OSBPL9: variants seen among roughly 807,000 people sequenced by gnomAD.
The protein encoded by OSBPL9 is oxysterol-binding protein-related protein 9.
A neutral mutation model predicts 106.6 loss-of-function variants in OSBPL9; 40 were observed. The observed-to-expected ratio is 0.38, with a 90% CI of 0.29 to 0.49. The LOEUF is 0.49. OSBPL9 is among the 20% of genes least tolerant of loss of function. The probability of loss-of-function intolerance (pLI) is 0.97; values close to 1 mark genes in which losing one functional copy is unlikely to be tolerated. For missense variants in OSBPL9, 609 were observed against 887.2 expected (o/e 0.69, Z 3.98); for synonymous variants, 269 against 295.4 (o/e 0.91, Z 0.92).
At chr1:51,696,518 A>C (rs965168605) in intron 3 of OSBPL9, among the ~76,000 whole-genome samples, 1 of 152,230 alleles carries the variant, frequency 6.6e-6, no homozygotes, top group Non-Finnish European at 1.5e-5. Flanking sequence ...CAGTGATTCT[A>C]GTCGTTGCCT....
intron 9 of OSBPL9, among the ~76,000 whole-genome samples, chr1:51,758,312 A>G (rs963912325): frequency 2.0e-5 from 3 of 152,104 alleles, no homozygotes; most frequent in African/African-American, 7.2e-5. Flanking sequence ...TGAGAACTGT[A>G]ACAGGAAAAA....
rs1017515652 is a variant in OSBPL9 at position 51,729,783 on chromosome 1, G to T, written c.318+15704G>T. 1.1e-4 allele frequency: 140 copies of T among 1,219,626 alleles called. No homozygotes were observed. Among genetic ancestry groups the T allele is most frequent in the Non-Finnish European group, 1.4e-4 (134 of 971,554 alleles). The allele number at this position is 1,219,626 out of a possible 1,614,324, so 75.6% of individuals were successfully genotyped here. A position where few individuals can be genotyped will look rare whatever the true frequency, so the allele number is the denominator to read the frequency against. The stretch of plus-strand genomic sequence containing the variant: ...GCCAGCCAATCGGGGCGACCCCTCC[G>T]CCGGGGAGGGGACGGGAAAGGGGTG... On this transcript the variant is annotated intron_variant, in intron 4 of 23. Coordinates refer to ENST00000428468, the MANE Select transcript of OSBPL9 (RefSeq NM_024586.6). This position sits in a 1 kb window ranked among gnomAD's most constrained non-coding sequence, Gnocchi z 5.1.
chr1:51,772,376 A>T (rs911987913), intron 13 of OSBPL9, among the ~76,000 whole-genome samples, 194 bp downstream of exon 13: 1 of 152,164 alleles, frequency 6.6e-6, no homozygotes, highest in Non-Finnish European at 1.5e-5. Flanking sequence ...TTAGCTGGGC[A>T]TGGTGGTGCG....
chr1:51,677,851 A>G (rs1402652881), intron 3 of OSBPL9, among the ~76,000 whole-genome samples: 1 of 152,042 alleles, frequency 6.6e-6, no homozygotes, highest in African/African-American at 2.4e-5. Flanking sequence ...GCCTGGCTAC[A>G]GAGAACATTT....
the OSBPL9 span, among the ~76,000 whole-genome samples, chr1:51,545,820 T>C: frequency 3.3e-5 from 5 of 152,158 alleles, no homozygotes; most frequent in Non-Finnish European, 7.4e-5. Flanking sequence ...AGCTGAAGAC[T>C]TTAACATCCC....
At chr1:51,745,321 C>T in intron 4 of OSBPL9, 1 of 553,162 alleles carries the variant, frequency 1.8e-6, no homozygotes, top group Non-Finnish European at 2.9e-6. Context: ...GCATGTGTAA[C>T]TGCTGAGAAG....
intron 1 of OSBPL9, among the ~76,000 whole-genome samples, chr1:51,651,431 C>T (rs564157846): frequency 2.0e-5 from 3 of 152,058 alleles, no homozygotes; most frequent in East Asian, 3.9e-4. Context: ...GGTGAAACCC[C>T]GTCTCTATCA....
At chr1:51,628,459 C>A (rs1050845218) in intron 1 of OSBPL9, among the ~76,000 whole-genome samples, 8 of 151,646 alleles carry the variant, frequency 5.3e-5, no homozygotes, top group African/African-American at 1.9e-4. Flanking sequence ...TGGCTCGTGC[C>A]TGTAATTTCA....
chr1:51,634,708 G>A (rs1259042830), intron 1 of OSBPL9, among the ~76,000 whole-genome samples: 1 of 152,156 alleles, frequency 6.6e-6, no homozygotes, highest in Non-Finnish European at 1.5e-5. Context: ...GAAACATGGT[G>A]TATTAGTCTG....
intron 4 of OSBPL9, among the ~76,000 whole-genome samples, chr1:51,719,503 A>G (rs1370892029): frequency 6.6e-6 from 1 of 152,002 alleles, no homozygotes; most frequent in African/African-American, 2.4e-5. Flanking sequence ...GAGATTATCA[A>G]GTAAGGGATT....
chr1:51,675,458 G>A (rs1360283861), intron 3 of OSBPL9, among the ~76,000 whole-genome samples: 1 of 151,808 alleles, frequency 6.6e-6, no homozygotes, highest in Non-Finnish European at 1.5e-5. Flanking sequence ...TTTTTATGTA[G>A]ACCGAATAAA....
upstream of OSBPL9, among the ~76,000 whole-genome samples, chr1:51,615,326 C>G (rs1004998881): frequency 6.6e-6 from 1 of 152,166 alleles, no homozygotes; most frequent in East Asian, 1.9e-4. Context: ...CATCTAACTA[C>G]TGATCCACTG....
intron 4 of OSBPL9, among the ~76,000 whole-genome samples, chr1:51,719,826 A>G (rs1475933383): frequency 2.6e-5 from 4 of 152,254 alleles, no homozygotes; most frequent in African/African-American, 9.6e-5. Context: ...ATACAAAGCA[A>G]TACAATCTAA....
chr1:51,745,520 A>G lies in OSBPL9; in HGVS notation c.319-16A>G, dbSNP rs755763083. On this transcript the variant is annotated splice_polypyrimidine_tract_variant and intron_variant, in intron 4 of 23. Transcript: ENST00000428468. ...CTTGGGTTCTGGTAGATTTATTGCA[A>G]ATTCTCTTTCTCTAGGGTTTGGATT... 5 of 1,609,112 alleles carry G rather than the reference A, an allele frequency of 3.1e-6. No homozygotes were observed. The highest frequency in any genetic ancestry group is 2.2e-5 in the East Asian group (1 of 44,690).
At chr1:51,748,716 C>G (rs894728459) in intron 7 of OSBPL9, among the ~76,000 whole-genome samples, 1 of 152,140 alleles carries the variant, frequency 6.6e-6, no homozygotes, top group Non-Finnish European at 1.5e-5. Flanking sequence ...TTCTTTGATT[C>G]TTAAGGCAGG....
chr1:51,591,974 CCCT>C (rs1645277339), intron 1 of OSBPL9, among the ~76,000 whole-genome samples: 1 of 152,100 alleles, frequency 6.6e-6, no homozygotes, highest in African/African-American at 2.4e-5. Flanking sequence ...CCGTAGCCAA[CCCT>C]CCTCAATCAG....
At chr1:51,551,948 A>T in the OSBPL9 span, among the ~76,000 whole-genome samples, 1 of 140,588 alleles carries the variant, frequency 7.1e-6, no homozygotes, top group Non-Finnish European at 1.5e-5. Flanking sequence ...AAGTTTCAGC[A>T]TGTGTAGGGT....
At chr1:51,553,901 A>C in the OSBPL9 span, among the ~76,000 whole-genome samples, 1 of 151,460 alleles carries the variant, frequency 6.6e-6, no homozygotes, top group African/African-American at 2.4e-5. Context: ...CTGGTCTCAA[A>C]CTCCTGACCT....
intron 3 of OSBPL9, among the ~76,000 whole-genome samples, chr1:51,698,962 A>G (rs1253577052): frequency 6.6e-6 from 1 of 152,160 alleles, no homozygotes; most frequent in African/African-American, 2.4e-5. Flanking sequence ...TAGATCCATT[A>G]GAGTAGAGGT....
Sources: allele counts gnomAD v4.1 joint callset (sites outside exome capture counted in the v4.1 genomes callset), GRCh38; gene constraint gnomAD v4.1.1; non-coding constraint Gnocchi (gnomAD v3.1); transcripts MANE v1.5; gene names NCBI Gene and HGNC (gene_info 2026-07-23, HGNC 2026-07-21).